DTNA: variants seen among roughly 807,000 people sequenced by gnomAD.
The protein encoded by DTNA is dystrobrevin alpha.
In DTNA, 43 loss-of-function variants were observed where a neutral mutation model predicts 100.7. The ratio of observed to expected loss-of-function variants is 0.43; its 90% confidence interval spans 0.33 to 0.55. The LOEUF is 0.55. Ranked by LOEUF, DTNA falls within the 20% of genes least tolerant of loss-of-function variation. The probability of loss-of-function intolerance (pLI) is 0.04; values close to 1 mark genes in which losing one functional copy is unlikely to be tolerated. For missense variants in DTNA, 798 were observed against 953.9 expected (o/e 0.84, Z 2.15); for synonymous variants, 349 against 347.9 (o/e 1.00, Z -0.04).
At chr18:34,607,242 G>A (rs944636340) in intron 1 of DTNA, among the ~76,000 whole-genome samples, 1 of 152,140 alleles carries the variant, frequency 6.6e-6, no homozygotes, top group African/African-American at 2.4e-5. Flanking sequence ...TTTTGACTGA[G>A]AAGTGCAGCT....
At position 34,820,914 on chromosome 18, in the gene DTNA, G is replaced by A. The variant is rs148123045; in HGVS notation, c.1000G>A (p.Val334Met). Residue 334 changes from valine to methionine, a missense_variant and splice_region_variant, in exon 9 of 23, where the codon GTG (valine) becomes ATG (methionine). Physicochemically the swap from Val to Met is conservative, Grantham distance 21. Coordinates refer to ENST00000444659, the MANE Select transcript of DTNA (RefSeq NM_001386795.1). ...PEKPLNLAHI[V>M]PPRPVTSMND... Reference sequence around the variant, plus strand: ...GAAGCCACTCAACTTGGCTCACATCGTGTGAGTATCCCTACCCTCCCAGTA... The same window carrying A: ...GAAGCCACTCAACTTGGCTCACATCATGTGAGTATCCCTACCCTCCCAGTA... 1,773 of 1,613,666 alleles carry A rather than the reference G, an allele frequency of 1.1e-3. 2 individuals carry two copies. The highest frequency in any genetic ancestry group is 1.6e-3 in the African/African-American group (121 of 74,766).
chr18:34,571,973 T>C (rs1173648737), intron 1 of DTNA, among the ~76,000 whole-genome samples: 2 of 152,240 alleles, frequency 1.3e-5, no homozygotes, highest in African/African-American at 4.8e-5. Flanking sequence ...GTTGCTAATG[T>C]CCAGGGTCAC....
intron 1 of DTNA, among the ~76,000 whole-genome samples, chr18:34,724,408 T>A (rs1443962227): frequency 4.6e-5 from 7 of 152,270 alleles, no homozygotes; most frequent in African/African-American, 1.4e-4. Flanking sequence ...TGAGAATTAC[T>A]ACAAATTTAT....
chr18:34,552,495 A>G (rs2145967997), intron 1 of DTNA, among the ~76,000 whole-genome samples: 1 of 149,768 alleles, frequency 6.7e-6, no homozygotes, highest in Non-Finnish European at 1.5e-5. Context: ...GTCATCTAGC[A>G]TTAGGTATAT....
intron 1 of DTNA, among the ~76,000 whole-genome samples, chr18:34,714,207 G>T (rs1406068470): frequency 6.6e-6 from 1 of 151,742 alleles, no homozygotes; most frequent in Non-Finnish European, 1.5e-5. Context: ...AAAAGCAATG[G>T]CAACAAAAGA....
intron 13 of DTNA, among the ~76,000 whole-genome samples, chr18:34,839,757 C>T (rs2096232911): frequency 6.6e-6 from 1 of 152,136 alleles, no homozygotes; most frequent in African/African-American, 2.4e-5. Context: ...GGTTCAATTT[C>T]CATTAAAATG....
At chr18:34,722,420 A>G (rs887060463) in intron 1 of DTNA, among the ~76,000 whole-genome samples, 1 of 152,136 alleles carries the variant, frequency 6.6e-6, no homozygotes, top group Admixed American at 6.5e-5. Context: ...GGGAAGGAAA[A>G]TATTTTCATT....
intron 1 of DTNA, among the ~76,000 whole-genome samples, chr18:34,634,858 A>G (rs1435234359): frequency 6.6e-6 from 1 of 152,208 alleles, no homozygotes; most frequent in Non-Finnish European, 1.5e-5. Flanking sequence ...ATTTTCGAGA[A>G]TACAATACAT....
intron 1 of DTNA, among the ~76,000 whole-genome samples, chr18:34,519,139 G>T (rs2145165163): frequency 6.6e-6 from 1 of 152,228 alleles, no homozygotes; most frequent in East Asian, 1.9e-4. Context: ...TGAAGATAAT[G>T]ATTTTGTTTT....
intron 1 of DTNA, among the ~76,000 whole-genome samples, chr18:34,711,900 T>C (rs1236124066): frequency 6.6e-6 from 1 of 152,198 alleles, no homozygotes; most frequent in Admixed American, 6.5e-5. Context: ...ATGTTCATGC[T>C]TGTATCTGAA....
intron 1 of DTNA, among the ~76,000 whole-genome samples, chr18:34,511,066 A>G (rs180923104): frequency 3.9e-5 from 6 of 152,170 alleles, no homozygotes; most frequent in African/African-American, 1.4e-4. Flanking sequence ...CTGAAAGACA[A>G]AGCCACATTA....
At chr18:34,523,164 AT>A (rs1177935946) in intron 1 of DTNA, among the ~76,000 whole-genome samples, 1 of 152,150 alleles carries the variant, frequency 6.6e-6, no homozygotes, top group Non-Finnish European at 1.5e-5. Context: ...GTAACCTAAT[AT>A]TTTCCAAAAA....
intron 16 of DTNA, 80 bp from the exon 17 acceptor site, chr18:34,863,886 C>A (rs1275683480): frequency 1.4e-6 from 2 of 1,401,206 alleles, no homozygotes; most frequent in Admixed American, 2.0e-5. Flanking sequence ...TTCTGACAGT[C>A]CACAAGTCCC....
chr18:34,553,140 A>AT (rs1270918291), intron 1 of DTNA, among the ~76,000 whole-genome samples: 2 of 149,690 alleles, frequency 1.3e-5, no homozygotes, highest in Non-Finnish European at 3.0e-5. Flanking sequence ...GATGATGAGC[A>AT]TTTTTTCATG....
At chr18:34,681,732 C>A (rs200344156) in intron 1 of DTNA, among the ~76,000 whole-genome samples, 128 of 141,548 alleles carry the variant, frequency 9.0e-4, no homozygotes, top group Middle Eastern at 3.4e-3. Context: ...ACACACACAC[C>A]CCACACACAC....
Position 34,890,182 on chromosome 18 carries a change from T to G in DTNA, c.*2448T>G. The stretch of plus-strand genomic sequence containing the variant: ...TTCCCCGTTGTCATAGCTATTTCAT[T>G]GCCAACCAACTCCATCACATGGTTG... On this transcript the variant is annotated 3_prime_UTR_variant, in exon 23 of 23. Transcript: ENST00000444659. 6.9e-7 allele frequency: 1 copy of G among 1,443,348 alleles called. No individual in the cohort carries two copies. The highest frequency in any genetic ancestry group is 9.1e-7 in the Non-Finnish European group (1 of 1,104,308). 89.4% of individuals were successfully genotyped at this position (1,443,348 alleles called of 1,614,324 possible).
chr18:34,534,915 C>G (rs1308086411), intron 1 of DTNA, among the ~76,000 whole-genome samples: 1 of 152,096 alleles, frequency 6.6e-6, no homozygotes, highest in Non-Finnish European at 1.5e-5. Flanking sequence ...AGGTTGGTCC[C>G]TAGTCTTTGC....
At chr18:34,851,971 CATTCCTTAATAAACT>C in intron 15 of DTNA, 43 bp downstream of exon 15, 1 of 1,588,920 alleles carries the variant, frequency 6.3e-7, no homozygotes. Context: ...TCAATGTGCG[CATTCCTTAATAAACT>C]ATGGTCGTGC....
chr18:34,570,804 A>G (rs1191221121), intron 1 of DTNA, among the ~76,000 whole-genome samples: 1 of 152,164 alleles, frequency 6.6e-6, no homozygotes, highest in Non-Finnish European at 1.5e-5. Context: ...GAGGAAGTTT[A>G]AAAATTTTGG....
Sources: allele counts gnomAD v4.1 joint callset (sites outside exome capture counted in the v4.1 genomes callset), GRCh38; gene constraint gnomAD v4.1.1; transcripts MANE v1.5; gene names NCBI Gene and HGNC (gene_info 2026-07-23, HGNC 2026-07-21).